Variants in DSP observed in about 807,000 individuals in gnomAD.
DSP encodes 250/210 kDa paraneoplastic pemphigus antigen.
A neutral mutation model predicts 290.6 loss-of-function variants in DSP; 114 were observed. The observed-to-expected ratio is 0.39, with a 90% confidence interval of 0.34 to 0.46. DSP has a LOEUF of 0.46. Ranked by LOEUF, DSP falls within the 20% of genes least tolerant of loss-of-function variation. DSP has a pLI of 0.99. For synonymous variants in DSP, 1,311 were observed against 1,316.4 expected, an observed-to-expected ratio of 1.00 and a Z score of 0.09; for missense variants, 3,230 against 3,495.8, an observed-to-expected ratio of 0.92 and a Z score of 1.92.
At chr6:7,567,214 A>G (rs1359038430) in intron 8 of DSP, 140 bp from the exon 9 acceptor site, 2 of 762,682 alleles carry the variant, frequency 2.6e-6, no homozygotes, top group Non-Finnish European at 4.6e-6. Context: ...TTCTCTTTCC[A>G]ACTTTTAGAA....
In DSP at chr6:7,568,458, G is replaced by C. The variant is rs761380979; in HGVS notation, c.1288G>C (p.Glu430Gln). 1 of 1,614,072 alleles carries C rather than the reference G, an allele frequency of 6.2e-7. No homozygotes were observed. The highest frequency in any genetic ancestry group is 8.5e-7 in the Non-Finnish European group (1 of 1,180,010). ...GCAGAAAGAACGAGAGAAAATCCTT[G>C]AATACAAGCGTCAGGTGCAGAACTT... ...ELEKEREKIL[E>Q]YKRQVQNLVN... The change falls in exon 11 of 24, where the codon GAA becomes CAA. Residue 430 changes from glutamate to glutamine, a missense_variant. Transcript: ENST00000379802.
intron 18 of DSP, 114 bp downstream of exon 18, chr6:7,575,602 G>GT (rs1759215819): frequency 1.6e-6 from 2 of 1,286,568 alleles, no homozygotes. Flanking sequence ...TTTTGTGTAA[G>GT]TTAGGCGTAA....
intron 22 of DSP, 143 bp downstream of exon 22, chr6:7,578,705 T>G: frequency 2.9e-6 from 2 of 692,610 alleles, no homozygotes; most frequent in Non-Finnish European, 2.5e-6. Context: ...ACTGCTTGTT[T>G]GTAAGTCTGG....
In DSP at chr6:7,541,837, TG is replaced by T. The variant is rs1247931391; in HGVS notation, c.-77del. On this transcript the variant is annotated 5_prime_UTR_variant, in exon 1 of 24. Coordinates refer to ENST00000379802, the MANE Select transcript of DSP (RefSeq NM_004415.4). ...GGTTCCCCGGCCGTCCGCCTATCCTTGGCCCCCTCCGCTTTCTCCGCGCCGG... is the reference window on the plus strand; with the variant it reads ...GGTTCCCCGGCCGTCCGCCTATCCTTGCCCCCTCCGCTTTCTCCGCGCCGG... 1.4e-5 allele frequency: 21 copies of T among 1,506,440 alleles called. No individual in the cohort carries two copies. The Admixed American group carries it at 4.2e-4, about 30-fold the overall frequency. 93.3% of individuals were successfully genotyped at this position (1,506,440 alleles called of 1,614,324 possible).
Position 7,554,053 on chromosome 6 carries a change from T to G in DSP, c.171-1665T>G, listed in dbSNP as rs114733876. 2.9e-3 allele frequency among the ~76,000 whole-genome samples: 427 copies of G among 148,346 alleles called. 2 individuals are homozygous for G. Among genetic ancestry groups the G allele is most frequent in the African/African-American group, 0.01 (405 of 39,776 alleles). The stretch of plus-strand genomic sequence containing the variant: ...TGCAACCATTGTTTGTCAAACATTT[T>G]TTTTTAAACAGTGAAATTCTTTCTT... On this transcript the variant is annotated intron_variant, in intron 1 of 23. Transcript: ENST00000379802.
chr6:7,575,062 T>G (rs1759193159), intron 17 of DSP, among the ~76,000 whole-genome samples: 1 of 152,200 alleles, frequency 6.6e-6, no homozygotes, highest in Admixed American at 6.5e-5. Context: ...CTTAGAAACT[T>G]TAATATGTTC....
At position 7,579,350 on chromosome 6, in the gene DSP, A is replaced by C. The variant is rs1759342995; in HGVS notation, c.3160A>C (p.Lys1054Gln). The C allele has an allele frequency of 6.2e-7, 1 of 1,614,072 alleles. No homozygotes were observed. The highest frequency in any genetic ancestry group is 8.5e-7 in the Non-Finnish European group (1 of 1,180,032). ...AGATGCCAACTCGGAAAACTGTAAT[A>C]AGAACAAATTCCTGGATCAGAACCT... ...ARDANSENCN[K>Q]NKFLDQNLQK... The change falls in exon 23 of 24, where the codon AAG becomes CAG. Residue 1054 changes from lysine (K) to glutamine (Q), a missense_variant. This residue lies in a region of DSP where 1,714 missense variants were observed against 1,844.5 expected (regional missense o/e 0.93). Transcript: ENST00000379802. This position sits in a 1 kb window ranked among gnomAD's most constrained non-coding sequence, Gnocchi z 4.1.
chr6:7,547,529 G>A (rs1357777948), intron 1 of DSP, among the ~76,000 whole-genome samples: 1 of 152,124 alleles, frequency 6.6e-6, no homozygotes, highest in South Asian at 2.1e-4. Context: ...TCAGGCTTAA[G>A]TGACTCTCCC....
In DSP at chr6:7,570,317, T is replaced by G; in HGVS notation, c.1575-120T>G. On this transcript the variant is annotated intron_variant, in intron 12 of 23. Coordinates refer to ENST00000379802, the MANE Select transcript of DSP (RefSeq NM_004415.4). Reference sequence around the variant, plus strand: ...CTGTTTTCAAAGTTATACCTCTACCTGTTACTTTATCAGTGACTGTTGTAG... The same window carrying G: ...CTGTTTTCAAAGTTATACCTCTACCGGTTACTTTATCAGTGACTGTTGTAG... 2.1e-6 allele frequency: 3 copies of G among 1,435,550 alleles called. No individual in the cohort carries two copies. In the South Asian group the frequency reaches 3.5e-5, roughly 17 times the overall value. The allele number at this position is 1,435,550 out of a possible 1,614,324, so 88.9% of individuals were successfully genotyped here.
intron 13 of DSP, among the ~76,000 whole-genome samples, chr6:7,571,176 C>CAA (rs200091877): frequency 4.3e-3 from 322 of 74,586 alleles, no homozygotes; most frequent in Non-Finnish European, 7.0e-3. Flanking sequence ...ATTCTGTAGG[C>CAA]AAAAAAAAAA....
intron 18 of DSP, among the ~76,000 whole-genome samples, chr6:7,575,822 T>G (rs776091198): frequency 1.1e-4 from 16 of 152,200 alleles, no homozygotes; most frequent in Non-Finnish European, 1.9e-4. Context: ...TCCAAAAGTT[T>G]ATGAAAATTA....
rs397514040 is a variant in DSP, at chr6:7,583,351, CTT to C, written c.6091_6092del (p.Leu2031GlyfsTer29). The stretch of plus-strand genomic sequence containing the variant: ...TCTGCTTCTCCTAAGGAAAAATACT[CTT>C]TGGTAGAGGCCAAGAGAAAGAAATT... On this transcript the variant is annotated frameshift_variant, in exon 24 of 24. Coordinates refer to ENST00000379802, the MANE Select transcript of DSP (RefSeq NM_004415.4). LOFTEE classifies it high-confidence loss of function. The surrounding 1 kb of genome is among the most constrained non-coding windows in gnomAD (Gnocchi z 4.0). 1.9e-6 allele frequency: 3 copies of C among 1,614,166 alleles called. No homozygotes were observed. The highest frequency in any genetic ancestry group is 2.5e-6 in the Non-Finnish European group (3 of 1,180,022).
chr6:7,542,080 C>T lies in DSP; in HGVS notation c.165C>T (p.Gly55=), dbSNP rs1041730733. The T allele has an allele frequency of 3.2e-6, 5 of 1,561,116 alleles. No individual in the cohort carries two copies. The highest frequency in any genetic ancestry group is 1.4e-5 in the African/African-American group (1 of 73,532). The change falls in exon 1 of 24, where the codon GGC becomes GGT. Residue 55 remains glycine (G), a synonymous_variant. Transcript: ENST00000379802. ...TGATCACCGACCAGAACTCGGACGG[C>T]TACTGGTGGGTACCTGCCCGGAGAG... is the stretch of plus-strand genomic sequence containing the variant. ...RGVITDQNSD[G]YCQTGTMSRH...
chr6:7,578,375 A>T (rs1281434727), intron 21 of DSP, 89 bp from the exon 22 acceptor site: 4 of 1,085,994 alleles, frequency 3.7e-6, no homozygotes. Context: ...TTATAATTTC[A>T]CTATTTTAGA....
chr6:7,553,157 G>A (rs2744368), intron 1 of DSP, among the ~76,000 whole-genome samples: 1 of 151,654 alleles, frequency 6.6e-6, no homozygotes, highest in Non-Finnish European at 1.5e-5. Flanking sequence ...TTTTAACAGC[G>A]GGGTTTTATG....
rs888308825 is a variant in DSP, at chr6:7,554,049, AT to A, written c.171-1660del. Among the ~76,000 whole-genome samples the A allele has an allele frequency of 5.4e-5, 8 of 147,142 alleles. 1 individual carries two copies. The highest frequency in any genetic ancestry group is 1.5e-4 in the African/African-American group (6 of 39,404). On this transcript the variant is annotated intron_variant, in intron 1 of 23. Coordinates refer to ENST00000379802, the MANE Select transcript of DSP (RefSeq NM_004415.4). The stretch of plus-strand genomic sequence containing the variant: ...ATAATGCAACCATTGTTTGTCAAAC[AT>A]TTTTTTTTAAACAGTGAAATTCTTT...
Position 7,562,654 on chromosome 6 carries a change from G to C in DSP, c.600G>C (p.Ala200=), listed in dbSNP as rs748400605. ...ECLGWMRQQR[A]EMDMVAWGVD... The stretch of plus-strand genomic sequence containing the variant: ...CTCTCTTTGTCTTTGTGTCGCAGGC[G>C]GAGATGGACATGGTGGCCTGGGGTG... The change falls in exon 5 of 24, where the codon GCG becomes GCC. Residue 200 remains alanine (A), a splice_region_variant and synonymous_variant. Coordinates refer to ENST00000379802, the MANE Select transcript of DSP (RefSeq NM_004415.4). 1 of 1,614,122 alleles carries C rather than the reference G, an allele frequency of 6.2e-7. No homozygotes were observed. The highest frequency in any genetic ancestry group is 1.1e-5 in the South Asian group (1 of 91,072).
chr6:7,574,852 C>T (rs1759186463), intron 17 of DSP, 57 bp downstream of exon 17: 2 of 1,611,876 alleles, frequency 1.2e-6, no homozygotes, highest in Admixed American at 3.3e-5. Flanking sequence ...CAGATCTGAG[C>T]TCCCAATTAT....
rs1308137315 is a variant in DSP, at chr6:7,582,906, G to A, written c.5644G>A (p.Glu1882Lys). 1 of 1,613,984 alleles carries A rather than the reference G, an allele frequency of 6.2e-7. No homozygotes were observed. Among genetic ancestry groups the A allele is most frequent in the Non-Finnish European group, 8.5e-7 (1 of 1,180,044 alleles). Residue 1882 changes from glutamate to lysine, a missense_variant, in exon 24 of 24, where the codon GAA becomes AAA. Glu to Lys is a moderately conservative substitution (Grantham distance 56, BLOSUM62 1). This residue lies in a region of DSP where 1,714 missense variants were observed against 1,844.5 expected (regional missense o/e 0.93). Coordinates refer to ENST00000379802, the MANE Select transcript of DSP (RefSeq NM_004415.4). The surrounding 1 kb of genome is among the most constrained non-coding windows in gnomAD (Gnocchi z 4.2). The part of the protein sequence containing the change: ...SRKEEAIRKI[E>K]SEREKSEREK... ...CAAGGAGGAGGCTATTAGGAAGATA[G>A]AATCGGAAAGAGAAAAGAGTGAGAG...
Sources: gnomAD v4.1 joint callset for allele counts (sites outside exome capture counted in the v4.1 genomes callset) on GRCh38, gnomAD v4.1.1 for gene constraint, gnomAD v4.1.1 regional missense constraint, Gnocchi (gnomAD v3.1) non-coding constraint, MANE v1.5 for transcripts, NCBI Gene and HGNC (gene_info 2026-07-23, HGNC 2026-07-21) for gene names.